GDA: variants seen among roughly 807,000 people sequenced by gnomAD.
GDA encodes guanine deaminase, also known as cytoplasmic PSD-95 interactor.
Under a neutral mutation model 59.6 loss-of-function variants are expected in GDA, and 18 were observed. The ratio of observed to expected loss-of-function variants is 0.30; its 90% CI spans 0.21 to 0.45. The LOEUF (loss-of-function observed/expected upper bound fraction) is 0.45, where lower values mean the gene tolerates loss of function less well. Among genes scored for constraint, GDA ranks in the 20% least tolerant of loss-of-function variants. The pLI, the probability that GDA is intolerant of heterozygous loss-of-function variation, is 1.00. For synonymous variants in GDA, 201 were observed against 201.1 expected, an observed-to-expected ratio of 1.00 and a Z score of 0.00; for missense variants, 427 against 552.3, an observed-to-expected ratio of 0.77 and a Z score of 2.27.
exon 1 of GDA, chr9:72,114,632 A>G (rs1204330818): frequency 6.6e-6 from 1 of 151,292 alleles, no homozygotes; most frequent in Non-Finnish European, 1.5e-5. Context: ...CCGGGACTAC[A>G]GGCACCCGCT....
At chr9:72,240,519 A>G (rs1839494160) in intron 10 of GDA, among the ~76,000 whole-genome samples, 1 of 152,202 alleles carries the variant, frequency 6.6e-6, no homozygotes, top group Non-Finnish European at 1.5e-5. Context: ...GGTCCCTAAA[A>G]GATGTCTATC....
intron 1 of GDA, among the ~76,000 whole-genome samples, chr9:72,150,358 C>CCT (rs1827056141): frequency 6.6e-6 from 1 of 151,608 alleles, no homozygotes. Flanking sequence ...CACACACACA[C>CCT]CATAGCCATT....
intron 1 of GDA, among the ~76,000 whole-genome samples, chr9:72,125,468 C>T (rs1383005510): frequency 2.0e-5 from 3 of 151,948 alleles, no homozygotes; most frequent in East Asian, 3.9e-4. Context: ...GTGATCCTCC[C>T]GCCTCAGACT....
At chr9:72,212,398 C>T (rs1425813327) in intron 4 of GDA, among the ~76,000 whole-genome samples, 2 of 151,736 alleles carry the variant, frequency 1.3e-5, no homozygotes, top group East Asian at 1.9e-4. Flanking sequence ...AGGAGAATGA[C>T]GTGAACCCAG....
intron 1 of GDA, among the ~76,000 whole-genome samples, chr9:72,162,513 GAGGAACC>G: frequency 6.6e-6 from 1 of 152,208 alleles, no homozygotes; most frequent in Admixed American, 6.5e-5. Flanking sequence ...CAGAGGGGAG[GAGGAACC>G]AGGAACCAGG....
At chr9:72,138,635 G>A (rs1056875661) in intron 1 of GDA, among the ~76,000 whole-genome samples, 3 of 152,244 alleles carry the variant, frequency 2.0e-5, no homozygotes, top group African/African-American at 7.2e-5. Flanking sequence ...GGTCGATGGA[G>A]TATGCAGGAG....
upstream of GDA, among the ~76,000 whole-genome samples, chr9:72,148,035 G>T (rs935436153): frequency 6.6e-6 from 1 of 152,184 alleles, no homozygotes; most frequent in Non-Finnish European, 1.5e-5. Flanking sequence ...CATTGGTTAT[G>T]GGGGAGCTGA....
intron 1 of GDA, among the ~76,000 whole-genome samples, chr9:72,149,888 C>T (rs181967299): frequency 2.0e-4 from 31 of 152,320 alleles, no homozygotes; most frequent in African/African-American, 7.2e-4. Context: ...TCCCAGAAGT[C>T]GGGAGCAGTG....
chr9:72,154,406 C>T (rs1827646411), intron 1 of GDA, among the ~76,000 whole-genome samples: 1 of 152,168 alleles, frequency 6.6e-6, no homozygotes, highest in Admixed American at 6.5e-5. Context: ...TTCCCTTTGC[C>T]TCCTAGCAAA....
intron 1 of GDA, among the ~76,000 whole-genome samples, chr9:72,191,259 G>C (rs1385206859): frequency 6.6e-6 from 1 of 152,192 alleles, no homozygotes; most frequent in Non-Finnish European, 1.5e-5. Flanking sequence ...CATCTACTGT[G>C]CTGCGTGCCT....
In GDA at chr9:72,168,630, T is replaced by A. The variant is rs553399379; in HGVS notation, c.123+18948T>A. On this transcript the variant is annotated intron_variant, in intron 1 of 13. Coordinates refer to ENST00000358399, the MANE Select transcript of GDA (RefSeq NM_004293.5). Reference sequence around the variant, plus strand: ...CTGGTCTCAGTCTCCTGGCTTTAAGTGATCTGCCCACCTTGGCCTCCCAAA... The same window carrying A: ...CTGGTCTCAGTCTCCTGGCTTTAAGAGATCTGCCCACCTTGGCCTCCCAAA... Among the ~76,000 whole-genome samples the A allele has an allele frequency of 3.3e-5, 5 of 152,222 alleles. No homozygotes were observed. In the South Asian group the frequency reaches 1.0e-3, roughly 32 times the overall value.
At chr9:72,180,194 T>C (rs151069257) in intron 1 of GDA, among the ~76,000 whole-genome samples, 1 of 152,050 alleles carries the variant, frequency 6.6e-6, no homozygotes, top group East Asian at 1.9e-4. Flanking sequence ...CCATCTCTAC[T>C]AAAAATACAA....
rs930162939 is a variant in GDA, at chr9:72,250,680, T to C, written c.*2338T>C. The C allele has an allele frequency of 2.0e-5, 33 of 1,610,176 alleles. No homozygotes were observed. The highest frequency in any genetic ancestry group is 1.6e-4 in the South Asian group (15 of 90,992). On this transcript the variant is annotated 3_prime_UTR_variant, in exon 14 of 14. Coordinates refer to ENST00000358399, the MANE Select transcript of GDA (RefSeq NM_004293.5). Reference sequence around the variant, plus strand: ...GCCTAATGTAGGTTGACTTTCTGAATTGTGGAGAGGCACTTTTCCAAGCCA... The same window carrying C: ...GCCTAATGTAGGTTGACTTTCTGAACTGTGGAGAGGCACTTTTCCAAGCCA...
downstream of GDA, among the ~76,000 whole-genome samples, chr9:72,255,182 A>G (rs1246273237): frequency 6.6e-6 from 1 of 152,194 alleles, no homozygotes; most frequent in Non-Finnish European, 1.5e-5. Flanking sequence ...TGGCAGCTGT[A>G]TTTATACTCA....
At chr9:72,233,126 C>A (rs1838547020) in intron 10 of GDA, among the ~76,000 whole-genome samples, 1 of 152,140 alleles carries the variant, frequency 6.6e-6, no homozygotes, top group South Asian at 2.1e-4. Flanking sequence ...TATCAATTTA[C>A]CCTTCAATTT....
At position 72,225,076 on chromosome 9, in the gene GDA, G is replaced by A. The variant is rs532018342; in HGVS notation, c.715-601G>A. ...CCCGGCAGATTACTTGAGGTCAGGA[G>A]TTTGAGACCAGCCTGGCCAACATGG... On this transcript the variant is annotated intron_variant, in intron 7 of 13. Coordinates refer to ENST00000358399, the MANE Select transcript of GDA (RefSeq NM_004293.5). 3.7e-3 allele frequency among the ~76,000 whole-genome samples: 568 copies of A among 152,262 alleles called. 2 individuals carry two copies. The highest frequency in any genetic ancestry group is 0.013 in the African/African-American group (545 of 41,556).
intron 1 of GDA, among the ~76,000 whole-genome samples, chr9:72,135,896 C>T (rs971838999): frequency 7.9e-5 from 12 of 152,048 alleles, no homozygotes; most frequent in Non-Finnish European, 1.3e-4. Flanking sequence ...CAGGCATGAG[C>T]CACCACGCGG....
rs528908228 is a variant in GDA, at chr9:72,130,302, A to G, written c.-100+15469A>G. Among the ~76,000 whole-genome samples, 27 of 152,354 alleles carry G rather than the reference A, an allele frequency of 1.8e-4. No individual in the cohort carries two copies. The Middle Eastern group carries it at 0.014, about 77-fold the overall frequency. On this transcript the variant is annotated intron_variant, in intron 1 of 13. Transcript: ENST00000545168. The stretch of plus-strand genomic sequence containing the variant: ...TTCAATATCATTTAGTGGCTTATTT[A>G]TGTAGTTAAGAGCTGTTTTACAAAA...
intron 1 of GDA, among the ~76,000 whole-genome samples, chr9:72,125,598 A>G (rs1825818453): frequency 6.6e-6 from 1 of 152,226 alleles, no homozygotes; most frequent in South Asian, 2.1e-4. Context: ...CGCCAACTAT[A>G]TGATATATTG....
Sources: allele counts gnomAD v4.1 joint callset (sites outside exome capture counted in the v4.1 genomes callset), GRCh38; gene constraint gnomAD v4.1.1; transcripts MANE v1.5; gene names NCBI Gene and HGNC (gene_info 2026-07-23, HGNC 2026-07-21).